CSMD1: variants seen among roughly 807,000 people sequenced by gnomAD.
The protein encoded by CSMD1 is CUB and Sushi multiple domains 1, also known as CUB and sushi domain-containing protein 1.
Under a neutral mutation model 417.5 loss-of-function variants are expected in CSMD1, and 213 were observed. The observed-to-expected ratio is 0.51, with a 90% CI of 0.46 to 0.57. CSMD1 has a LOEUF of 0.57. Among genes scored for constraint, CSMD1 ranks in the 20% least tolerant of loss-of-function variants. The pLI is 0.00. For missense variants in CSMD1, 6,923 were observed against 4,529.7 expected, an observed-to-expected ratio of 1.53 and a Z score of -15.17; for synonymous variants, 2,862 against 1,736.8, an observed-to-expected ratio of 1.65 and a Z score of -16.11.
chr8:3,896,844 G>A (rs1052602053), intron 5 of CSMD1, among the ~76,000 whole-genome samples: 39 of 152,054 alleles, frequency 2.6e-4, no homozygotes, highest in African/African-American at 9.2e-4. Context: ...AAAAATAAAT[G>A]TCAGGAAAAA....
chr8:4,289,233 A>G (rs959287765), intron 3 of CSMD1, among the ~76,000 whole-genome samples: 1 of 152,198 alleles, frequency 6.6e-6, no homozygotes, highest in African/African-American at 2.4e-5. Flanking sequence ...GTCATTTCTC[A>G]TATTGTTATT....
chr8:3,804,124 G>A lies in CSMD1; in HGVS notation c.819-50082C>T, dbSNP rs1003580106. ...TTGTTATATTTTTAGTAGAGACAGGGTTTCACCATGTTGGCCAGGCTGGTC... is the reference window on the plus strand; with the variant it reads ...TTGTTATATTTTTAGTAGAGACAGGATTTCACCATGTTGGCCAGGCTGGTC... On this transcript the variant is annotated intron_variant, in intron 5 of 69. Coordinates refer to ENST00000635120, the MANE Select transcript of CSMD1 (RefSeq NM_033225.6). Among the ~76,000 whole-genome samples, 7 of 151,902 alleles carry A rather than the reference G, an allele frequency of 4.6e-5. No individual in the cohort carries two copies. The East Asian group carries it at 7.8e-4, about 17-fold the overall frequency.
intron 5 of CSMD1, among the ~76,000 whole-genome samples, chr8:3,970,016 C>T (rs1171079046): frequency 1.3e-5 from 2 of 152,190 alleles, no homozygotes; most frequent in Non-Finnish European, 2.9e-5. Flanking sequence ...GGCAATAATT[C>T]TTTCTCACCT....
chr8:3,216,742 C>G (rs977870567), intron 29 of CSMD1, among the ~76,000 whole-genome samples: 1 of 152,260 alleles, frequency 6.6e-6, no homozygotes, highest in Non-Finnish European at 1.5e-5. Flanking sequence ...GTCCGTTCCA[C>G]TTATGCATAC....
chr8:3,111,780 C>T (rs1163686638), intron 42 of CSMD1, among the ~76,000 whole-genome samples: 3 of 151,866 alleles, frequency 2.0e-5, no homozygotes, highest in Admixed American at 6.6e-5. Context: ...TGTAGTAAGC[C>T]GAGATTGTGC....
chr8:4,799,504 C>T (rs565171641), intron 1 of CSMD1, among the ~76,000 whole-genome samples: 4 of 136,474 alleles, frequency 2.9e-5, no homozygotes, highest in African/African-American at 1.1e-4. Context: ...GAGCCTGGGG[C>T]AGGAGAATTG....
At chr8:4,141,366 T>C (rs7817129) in intron 3 of CSMD1, among the ~76,000 whole-genome samples, 46,886 of 151,000 alleles carry the variant, frequency 0.31, 8,173 homozygotes, top group Middle Eastern at 0.43. Context: ...GAAGCTTGTA[T>C]GCTCCAAGAA....
chr8:4,033,429 G>A (rs557702661), intron 3 of CSMD1, among the ~76,000 whole-genome samples: 52 of 152,264 alleles, frequency 3.4e-4, no homozygotes, highest in Admixed American at 1.3e-3. Flanking sequence ...GTGACAGAGC[G>A]AGACTCCGCC....
chr8:3,925,486 G>T (rs1214756263), intron 5 of CSMD1, among the ~76,000 whole-genome samples: 6 of 152,152 alleles, frequency 3.9e-5, no homozygotes, highest in Non-Finnish European at 8.8e-5. Flanking sequence ...ATGCTGGGTG[G>T]TAAGACACTG....
chr8:4,289,149 C>A (rs961895757), intron 3 of CSMD1, among the ~76,000 whole-genome samples: 3 of 152,030 alleles, frequency 2.0e-5, no homozygotes, highest in African/African-American at 7.2e-5. Context: ...CTTCTAACAC[C>A]CGTTCTAAGA....
intron 5 of CSMD1, among the ~76,000 whole-genome samples, chr8:3,909,537 C>G (rs1021266219): frequency 6.6e-5 from 10 of 152,102 alleles, no homozygotes; most frequent in Non-Finnish European, 1.2e-4. Context: ...GTCGCTCTCC[C>G]CAGGTATTTC....
chr8:4,689,648 T>C (rs1394564082), intron 1 of CSMD1, among the ~76,000 whole-genome samples: 2 of 152,210 alleles, frequency 1.3e-5, no homozygotes, highest in East Asian at 1.9e-4. Flanking sequence ...AAAGACTGTA[T>C]CTGAGGCACC....
At chr8:3,946,866 A>T (rs576959114) in intron 5 of CSMD1, among the ~76,000 whole-genome samples, 3 of 152,216 alleles carry the variant, frequency 2.0e-5, no homozygotes, top group African/African-American at 4.8e-5. Flanking sequence ...GAAATTGCTC[A>T]TTGCTTGTAT....
chr8:3,366,439 T>C (rs1809571598), intron 20 of CSMD1, among the ~76,000 whole-genome samples: 1 of 152,206 alleles, frequency 6.6e-6, no homozygotes, highest in African/African-American at 2.4e-5. Context: ...ATCTAACCCA[T>C]ACAAATAATT....
At chr8:3,672,777 CT>C (rs1447030340) in intron 7 of CSMD1, among the ~76,000 whole-genome samples, 2 of 152,182 alleles carry the variant, frequency 1.3e-5, no homozygotes, top group Non-Finnish European at 2.9e-5. Flanking sequence ...ATATCAGGCT[CT>C]TCTCCTGGGA....
At chr8:4,232,300 G>C (rs1201930421) in intron 3 of CSMD1, among the ~76,000 whole-genome samples, 4 of 152,170 alleles carry the variant, frequency 2.6e-5, no homozygotes, top group African/African-American at 7.2e-5. Context: ...CCAGGTTCAA[G>C]TAATTCTCCT....
intron 23 of CSMD1, among the ~76,000 whole-genome samples, chr8:3,310,558 C>T (rs968403827): frequency 6.6e-6 from 1 of 152,198 alleles, no homozygotes; most frequent in Non-Finnish European, 1.5e-5. Context: ...TGCTGCTTAT[C>T]CAATGTCATT....
chr8:3,205,042 T>TGCTTCTCC (rs1046681299), intron 31 of CSMD1, among the ~76,000 whole-genome samples: 70 of 152,328 alleles, frequency 4.6e-4, no homozygotes, highest in African/African-American at 1.6e-3. Flanking sequence ...AGACTCTGCC[T>TGCTTCTCC]GCTTCTCCGT....
chr8:4,157,839 C>G (rs1214424001), intron 3 of CSMD1, among the ~76,000 whole-genome samples: 1 of 152,176 alleles, frequency 6.6e-6, no homozygotes, highest in East Asian at 1.9e-4. Flanking sequence ...ATCCTCCCCA[C>G]AGGAAAACAG....
Sources: allele counts gnomAD v4.1 joint callset (sites outside exome capture counted in the v4.1 genomes callset), GRCh38; gene constraint gnomAD v4.1.1; transcripts MANE v1.5; gene names NCBI Gene and HGNC (gene_info 2026-07-23, HGNC 2026-07-21).